PLEKHM3: variants seen among roughly 807,000 people sequenced by gnomAD.
The protein encoded by PLEKHM3 is pleckstrin homology domain containing M3.
A neutral mutation model predicts 81.8 loss-of-function variants in PLEKHM3; 45 were observed. The ratio of observed to expected loss-of-function variants is 0.55; its 90% CI spans 0.43 to 0.71. PLEKHM3 has a LOEUF of 0.71. Ranked by LOEUF, PLEKHM3 falls within the 30% of genes least tolerant of loss-of-function variation. The pLI is 0.00. For missense variants in PLEKHM3, 788 were observed against 924.3 expected, an observed-to-expected ratio of 0.85 and a Z score of 1.91; for synonymous variants, 352 against 356.4, an observed-to-expected ratio of 0.99 and a Z score of 0.14.
At chr2:207,973,833 C>T (rs985136579) in intron 3 of PLEKHM3, among the ~76,000 whole-genome samples, 3 of 152,010 alleles carry the variant, frequency 2.0e-5, no homozygotes, top group African/African-American at 7.2e-5. Context: ...CAACTGAATG[C>T]AGCACTTTCT....
At chr2:207,841,446 C>T (rs1362400752) in intron 7 of PLEKHM3, among the ~76,000 whole-genome samples, 1 of 51,024 alleles carries the variant, frequency 2.0e-5, no homozygotes, top group African/African-American at 9.3e-5. Flanking sequence ...GAGACTCCAT[C>T]TCAAAAAAAA....
intron 2 of PLEKHM3, among the ~76,000 whole-genome samples, chr2:207,987,523 C>G (rs1691767747): frequency 6.6e-6 from 1 of 152,188 alleles, no homozygotes; most frequent in African/African-American, 2.4e-5. Flanking sequence ...GAGAAAGATG[C>G]TGAGACACAT....
intron 6 of PLEKHM3, among the ~76,000 whole-genome samples, chr2:207,878,775 A>G (rs1403319438): frequency 6.6e-6 from 1 of 152,136 alleles, no homozygotes; most frequent in Non-Finnish European, 1.5e-5. Flanking sequence ...GGACTCTCAG[A>G]GCTTAAGCCC....
At chr2:208,003,841 A>G (rs1158529578) in intron 1 of PLEKHM3, among the ~76,000 whole-genome samples, 2 of 152,226 alleles carry the variant, frequency 1.3e-5, no homozygotes, top group Non-Finnish European at 2.9e-5. Context: ...AATAAATCTT[A>G]AAACGTTTTG....
chr2:207,880,540 G>C (rs1303089416), intron 6 of PLEKHM3, among the ~76,000 whole-genome samples: 1 of 150,782 alleles, frequency 6.6e-6, no homozygotes, highest in Non-Finnish European at 1.5e-5. Flanking sequence ...GAGACGGGCG[G>C]ATCACGAGGT....
At position 207,825,502 on chromosome 2, in the gene PLEKHM3, C is replaced by T. The variant is rs775817526; in HGVS notation, c.*2817G>A. On this transcript the variant is annotated 3_prime_UTR_variant, in exon 8 of 8. Coordinates refer to ENST00000427836, the MANE Select transcript of PLEKHM3 (RefSeq NM_001080475.3). Reference sequence around the variant, plus strand: ...GTAATCCACAGATTTGCTTTTGTTTCGACAGTTTCTAAGCAGTGGAACAAT... The same window carrying T: ...GTAATCCACAGATTTGCTTTTGTTTTGACAGTTTCTAAGCAGTGGAACAAT... 7 of 152,146 alleles carry T rather than the reference C, an allele frequency of 4.6e-5. No homozygotes were observed. The highest frequency in any genetic ancestry group is 2.0e-4 in the Admixed American group (3 of 15,272). 9.4% of individuals were successfully genotyped at this position (152,146 alleles called of 1,614,324 possible).
chr2:207,963,251 A>C (rs1054708408), intron 3 of PLEKHM3, among the ~76,000 whole-genome samples: 1 of 151,852 alleles, frequency 6.6e-6, no homozygotes, highest in Admixed American at 6.6e-5. Flanking sequence ...AAAGGCTCTA[A>C]GGTGGGTGAG....
chr2:207,997,277 C>T (rs1384137944), intron 2 of PLEKHM3, among the ~76,000 whole-genome samples: 1 of 152,152 alleles, frequency 6.6e-6, no homozygotes, highest in Non-Finnish European at 1.5e-5. Flanking sequence ...AGCACTTATC[C>T]TCAGAAAGGC....
rs1690131673 is a variant in PLEKHM3, at chr2:207,946,423, C to CA, written c.1635dup (p.Asp546Ter). The CA allele has an allele frequency of 6.2e-7, 1 of 1,614,098 alleles. No homozygotes were observed. The highest frequency in any genetic ancestry group is 1.3e-5 in the African/African-American group (1 of 74,922). On this transcript the variant is annotated frameshift_variant, in exon 4 of 8. Transcript: ENST00000427836. LOFTEE classifies it high-confidence loss of function. Reference sequence around the variant, plus strand: ...ATGCGTGCTGGAATGAGAAAGCTGTCATCCACGTGGCAGCTACTGCAGTAA... The same window carrying CA: ...ATGCGTGCTGGAATGAGAAAGCTGTCAATCCACGTGGCAGCTACTGCAGTAA...
chr2:207,999,053 T>A (rs1428696783), intron 2 of PLEKHM3, among the ~76,000 whole-genome samples: 2 of 151,764 alleles, frequency 1.3e-5, no homozygotes, highest in African/African-American at 4.8e-5. Flanking sequence ...AGTGGCACAG[T>A]CTCACTGCAA....
At chr2:207,900,978 T>C in intron 6 of PLEKHM3, 1 of 422,460 alleles carries the variant, frequency 2.4e-6, no homozygotes, top group Non-Finnish European at 4.2e-6. Flanking sequence ...CTCAGATGAC[T>C]GCATGCCAAG....
At chr2:207,928,774 C>T (rs550723890) in intron 5 of PLEKHM3, among the ~76,000 whole-genome samples, 14 of 152,228 alleles carry the variant, frequency 9.2e-5, no homozygotes, top group Non-Finnish European at 1.9e-4. Flanking sequence ...TTGAGATTCT[C>T]AACCAGGGTA....
intron 4 of PLEKHM3, among the ~76,000 whole-genome samples, chr2:207,936,158 T>C (rs1044193316): frequency 6.6e-6 from 1 of 152,188 alleles, no homozygotes; most frequent in Admixed American, 6.5e-5. Context: ...GGTTAATTTT[T>C]AAATTTTTTG....
At chr2:207,973,001 T>C (rs1454538407) in intron 3 of PLEKHM3, among the ~76,000 whole-genome samples, 2 of 152,242 alleles carry the variant, frequency 1.3e-5, no homozygotes, top group African/African-American at 4.8e-5. Context: ...TCATCCAAAC[T>C]ATTTAAAGGG....
At position 207,924,644 on chromosome 2, in the gene PLEKHM3, C is replaced by T. The variant is rs1329619972; in HGVS notation, c.1886+6282G>A. On this transcript the variant is annotated intron_variant, in intron 5 of 7. Coordinates refer to ENST00000427836, the MANE Select transcript of PLEKHM3 (RefSeq NM_001080475.3). Reference sequence around the variant, plus strand: ...AGGTTGCAGTGAGCTGAGATCGCGCCACTGCACTCCAACCTGGGTGACAGA... The same window carrying T: ...AGGTTGCAGTGAGCTGAGATCGCGCTACTGCACTCCAACCTGGGTGACAGA... Among the ~76,000 whole-genome samples, 8 of 152,190 alleles carry T rather than the reference C, an allele frequency of 5.3e-5. No homozygotes were observed. In the East Asian group the frequency reaches 1.5e-3, roughly 29 times the overall value.
chr2:207,956,802 T>C (rs1690530389), intron 3 of PLEKHM3, among the ~76,000 whole-genome samples: 1 of 143,404 alleles, frequency 7.0e-6, no homozygotes, highest in Non-Finnish European at 1.5e-5. Context: ...ACTCCTTTCC[T>C]TAAGCTATCC....
intron 4 of PLEKHM3, among the ~76,000 whole-genome samples, chr2:207,932,172 T>C (rs370269935): frequency 2.0e-5 from 3 of 152,240 alleles, no homozygotes; most frequent in Admixed American, 6.5e-5. Context: ...TCCAATTCTG[T>C]ATTCACCTTG....
Position 207,828,168 on chromosome 2 carries a change from T to C in PLEKHM3, c.*151A>G, listed in dbSNP as rs2092263144. 2 of 567,298 alleles carry C rather than the reference T, an allele frequency of 3.5e-6. No individual in the cohort carries two copies. 35.1% of individuals were successfully genotyped at this position (567,298 alleles called of 1,614,324 possible). A position where few individuals can be genotyped will look rare whatever the true frequency, so the allele number is the denominator to read the frequency against. On this transcript the variant is annotated 3_prime_UTR_variant, in exon 8 of 8. Coordinates refer to ENST00000427836, the MANE Select transcript of PLEKHM3 (RefSeq NM_001080475.3). ...GCATACGTACAGGACGTATAGGTAT[T>C]TGCGTATATATAAATAAATATATAT... is the stretch of plus-strand genomic sequence containing the variant.
At position 207,973,532 on chromosome 2, in the gene PLEKHM3, AG is replaced by A. The variant is rs372315910; in HGVS notation, c.1546+3118del. On this transcript the variant is annotated intron_variant, in intron 3 of 7. Transcript: ENST00000427836. ...GGCAAGCGGATCACCTGAGGTCGGG[AG>A]TTTGAGACCAGCCTGACCAACATGG... Among the ~76,000 whole-genome samples the A allele has an allele frequency of 6.8e-3, 1,034 of 152,306 alleles. 10 individuals are homozygous for A. Among genetic ancestry groups the A allele is most frequent in the Non-Finnish European group, 0.011 (764 of 68,026 alleles).
Sources: allele counts gnomAD v4.1 joint callset (sites outside exome capture counted in the v4.1 genomes callset), GRCh38; gene constraint gnomAD v4.1.1; transcripts MANE v1.5; gene names NCBI Gene and HGNC (gene_info 2026-07-23, HGNC 2026-07-21).